Variants in PDE1A observed in about 807,000 individuals in gnomAD.
PDE1A encodes phosphodiesterase 1A.
PDE1A carries 35 observed loss-of-function variants against 61.7 expected under a neutral mutation model. The ratio of observed to expected loss-of-function variants is 0.57; its 90% confidence interval spans 0.43 to 0.75. The LOEUF (loss-of-function observed/expected upper bound fraction) is 0.75. Ranked by LOEUF, PDE1A falls within the 30% of genes least tolerant of loss-of-function variation. The pLI, the probability that PDE1A is intolerant of heterozygous loss-of-function variation, is 0.00. For missense variants in PDE1A, 597 were observed against 630.6 expected, an observed-to-expected ratio of 0.95 and a Z score of 0.57; for synonymous variants, 232 against 213.2, an observed-to-expected ratio of 1.09 and a Z score of -0.77.
the PDE1A span, among the ~76,000 whole-genome samples, chr2:182,530,509 G>GA: frequency 0.054 from 8,165 of 152,094 alleles, 270 homozygotes; most frequent in Middle Eastern, 0.099. Context: ...TAAAGATGAG[G>GA]AAAAAATCTT....
intron 1 of PDE1A, among the ~76,000 whole-genome samples, chr2:182,330,248 G>A (rs1456886862): frequency 4.6e-5 from 7 of 151,880 alleles, no homozygotes; most frequent in Non-Finnish European, 8.8e-5. Flanking sequence ...GGAGGCTGAG[G>A]CAGGAGAATC....
In PDE1A at chr2:182,218,950, C is replaced by T. The variant is rs551162749; in HGVS notation, c.776+4914G>A. Among the ~76,000 whole-genome samples, 633 of 152,144 alleles carry T rather than the reference C, an allele frequency of 4.2e-3. 12 individuals are homozygous for T. The East Asian group carries it at 0.065, about 16-fold the overall frequency. On this transcript the variant is annotated intron_variant, in intron 7 of 13. Coordinates refer to ENST00000351439, the Ensembl canonical transcript of PDE1A. ...TATCAAAGTGAATAAAATTACCTAA[C>T]GTCTTATTCAGTCAGTGAATGAACA... is the stretch of plus-strand genomic sequence containing the variant.
chr2:182,377,584 G>A (rs1700485520), intron 1 of PDE1A, among the ~76,000 whole-genome samples: 2 of 152,266 alleles, frequency 1.3e-5, no homozygotes, highest in South Asian at 4.1e-4. Context: ...ATTGCTAGTG[G>A]AAGTGAAAAA....
chr2:182,345,554 C>A (rs530751834), intron 1 of PDE1A, among the ~76,000 whole-genome samples: 1 of 152,252 alleles, frequency 6.6e-6, no homozygotes, highest in Admixed American at 6.5e-5. Context: ...CAGCCTTATC[C>A]CAGTTATTAC....
chr2:182,573,921 A>AAT, the PDE1A span, among the ~76,000 whole-genome samples: 8 of 143,564 alleles, frequency 5.6e-5, 1 homozygote, highest in South Asian at 8.4e-4. Flanking sequence ...TATATATATT[A>AAT]ATATATACAT....
chr2:182,297,900 C>T (rs762239894), intron 1 of PDE1A, among the ~76,000 whole-genome samples: 1 of 152,184 alleles, frequency 6.6e-6, no homozygotes, highest in African/African-American at 2.4e-5. Flanking sequence ...TGGTAACTTG[C>T]TAAAGAACAC....
At chr2:182,326,843 C>T (rs1697079191) in intron 1 of PDE1A, among the ~76,000 whole-genome samples, 1 of 152,172 alleles carries the variant, frequency 6.6e-6, no homozygotes, top group Non-Finnish European at 1.5e-5. Context: ...GGGAGGCACA[C>T]ACATTACCTT....
chr2:182,636,867 C>T, the PDE1A span, among the ~76,000 whole-genome samples: 1 of 152,176 alleles, frequency 6.6e-6, no homozygotes, highest in African/African-American at 2.4e-5. Flanking sequence ...TCCCTATTTC[C>T]TTGCTGGCTG....
chr2:182,177,567 T>C (rs894326914), intron 13 of PDE1A, among the ~76,000 whole-genome samples: 2 of 152,084 alleles, frequency 1.3e-5, no homozygotes, highest in Admixed American at 1.3e-4. Context: ...GATCAGATGG[T>C]TGTAGATGTG....
At chr2:182,329,291 T>C (rs1574364791) in intron 1 of PDE1A, among the ~76,000 whole-genome samples, 1 of 152,224 alleles carries the variant, frequency 6.6e-6, no homozygotes, top group Non-Finnish European at 1.5e-5. Context: ...TTGTAGATTG[T>C]TGCACTCACT....
At chr2:182,268,478 G>A (rs987854449) in intron 1 of PDE1A, among the ~76,000 whole-genome samples, 82 of 151,924 alleles carry the variant, frequency 5.4e-4, no homozygotes, top group African/African-American at 1.9e-3. Context: ...CATATATAAT[G>A]CATGGGTACC....
chr2:182,164,070 C>A (rs1028335644), downstream of PDE1A, among the ~76,000 whole-genome samples: 1 of 151,926 alleles, frequency 6.6e-6, no homozygotes, highest in Non-Finnish European at 1.5e-5. Context: ...AGCAAATTAC[C>A]ATGTGACCTG....
At chr2:182,649,607 CAAAAAA>C in the PDE1A span, among the ~76,000 whole-genome samples, 22,202 of 113,094 alleles carry the variant, frequency 0.2, 2,257 homozygotes, top group African/African-American at 0.35. Flanking sequence ...CCACTCTATA[CAAAAAA>C]AAAAAAAAAA....
chr2:182,265,381 G>A (rs541591210), intron 1 of PDE1A, among the ~76,000 whole-genome samples: 6 of 152,192 alleles, frequency 3.9e-5, no homozygotes, highest in African/African-American at 9.6e-5. Flanking sequence ...AAAGACAGAC[G>A]AAAGGCAAAC....
At chr2:182,588,556 A>G in the PDE1A span, among the ~76,000 whole-genome samples, 1 of 152,332 alleles carries the variant, frequency 6.6e-6, no homozygotes, top group Admixed American at 6.5e-5. Flanking sequence ...ATGAACAACC[A>G]TATGACCCTT....
chr2:182,645,152 A>G, the PDE1A span, among the ~76,000 whole-genome samples: 2 of 151,810 alleles, frequency 1.3e-5, no homozygotes, highest in South Asian at 4.2e-4. Context: ...CACCCAGCTA[A>G]TTTTTTGTAT....
At chr2:182,710,938 A>G in the PDE1A span, among the ~76,000 whole-genome samples, 61 of 152,302 alleles carry the variant, frequency 4.0e-4, no homozygotes, top group Middle Eastern at 0.01. Context: ...GTTTTCCTCT[A>G]TCTTTTGTTG....
chr2:182,509,060 G>A (rs1010533220), intron 2 of PDE1A, among the ~76,000 whole-genome samples: 5 of 151,086 alleles, frequency 3.3e-5, no homozygotes, highest in African/African-American at 1.2e-4. Flanking sequence ...AATATGTGGT[G>A]TTAGAATTCT....
chr2:182,670,981 C>G, the PDE1A span, among the ~76,000 whole-genome samples: 1 of 151,812 alleles, frequency 6.6e-6, no homozygotes, highest in East Asian at 1.9e-4. Flanking sequence ...CCAAGCCTAG[C>G]TAATTTTTGT....
Sources: allele counts gnomAD v4.1 joint callset (sites outside exome capture counted in the v4.1 genomes callset), GRCh38; gene constraint gnomAD v4.1.1; transcripts MANE v1.5; gene names NCBI Gene and HGNC (gene_info 2026-07-23, HGNC 2026-07-21).